The following VCL variants were observed in gnomAD, a reference collection of about 807,000 sequenced individuals.
VCL encodes epididymis luminal protein 114.
Under a neutral mutation model 125.7 loss-of-function variants are expected in VCL, and 47 were observed. The observed-to-expected ratio is 0.37, with a 90% CI of 0.30 to 0.48. VCL has a LOEUF of 0.48. VCL is among the 20% of genes least tolerant of loss of function. The pLI is 0.99. For synonymous variants in VCL, 458 were observed against 514.6 expected, an observed-to-expected ratio of 0.89 and a Z score of 1.49; for missense variants, 1,069 against 1,455.5, an observed-to-expected ratio of 0.73 and a Z score of 4.32.
Position 74,118,883 on chromosome 10 carries a change from G to A in VCL, c.*714G>A, listed in dbSNP as rs1257333315. On this transcript the variant is annotated 3_prime_UTR_variant, in exon 22 of 22. Coordinates refer to ENST00000211998, the MANE Select transcript of VCL (RefSeq NM_014000.3). ...TGCTTTTACCATGCCCCTGAGCAAT[G>A]TCTGTGCTAGGGAAACTTCCCGTCC... 1 of 154,346 alleles carries A rather than the reference G, an allele frequency of 6.5e-6. No individual in the cohort carries two copies. Among genetic ancestry groups the A allele is most frequent in the Non-Finnish European group, 1.4e-5 (1 of 69,234 alleles). 9.6% of individuals were successfully genotyped at this position (154,346 alleles called of 1,614,324 possible). A position where few individuals can be genotyped will look rare whatever the true frequency, so the allele number is the denominator to read the frequency against.
intron 2 of VCL, among the ~76,000 whole-genome samples, chr10:74,052,681 A>G (rs1055919025): frequency 6.6e-6 from 1 of 151,420 alleles, no homozygotes; most frequent in African/African-American, 2.4e-5. Context: ...TTGGCCCTTC[A>G]GTTACTTTTT....
At chr10:74,117,488 G>A (rs1840329316) in intron 21 of VCL, among the ~76,000 whole-genome samples, 1 of 152,038 alleles carries the variant, frequency 6.6e-6, no homozygotes, top group African/African-American at 2.4e-5. Context: ...AACCCCATCT[G>A]TACAAAAAAT....
chr10:74,097,891 C>A lies in VCL; in HGVS notation c.1872+559C>A, dbSNP rs1293717204. Among the ~76,000 whole-genome samples the A allele has an allele frequency of 6.6e-6, 1 of 152,198 alleles. No homozygotes were observed. The highest frequency in any genetic ancestry group is 1.5e-5 in the Non-Finnish European group (1 of 68,038). On this transcript the variant is annotated intron_variant, in intron 13 of 21. Coordinates refer to ENST00000211998, the MANE Select transcript of VCL (RefSeq NM_014000.3). The surrounding 1 kb of genome is among the most constrained non-coding windows in gnomAD (Gnocchi z 4.1). Reference sequence around the variant, plus strand: ...CCAGCGATGTGCTGGTAAGCCAACTCTCCAGGAAAACGAAAAACCTTGATT... The same window carrying A: ...CCAGCGATGTGCTGGTAAGCCAACTATCCAGGAAAACGAAAAACCTTGATT...
At chr10:74,091,551 C>T (rs535963111) in intron 10 of VCL, among the ~76,000 whole-genome samples, 4 of 151,960 alleles carry the variant, frequency 2.6e-5, no homozygotes, top group Non-Finnish European at 2.9e-5. Flanking sequence ...AGGCTGAGGG[C>T]GTGTGGATCA....
chr10:74,066,655 G>A (rs537818293), intron 2 of VCL, among the ~76,000 whole-genome samples: 1 of 147,244 alleles, frequency 6.8e-6, no homozygotes, highest in South Asian at 2.1e-4. Context: ...AAAGTACCTG[G>A]TACTATTTTA....
chr10:74,040,034 C>G (rs958138211), intron 1 of VCL, among the ~76,000 whole-genome samples: 12 of 152,154 alleles, frequency 7.9e-5, no homozygotes, highest in African/African-American at 2.4e-4. Flanking sequence ...TGGCTGCTCC[C>G]CCTAGATTGT....
chr10:74,015,695 T>C (rs1157506651), intron 1 of VCL, among the ~76,000 whole-genome samples: 1 of 151,864 alleles, frequency 6.6e-6, no homozygotes, highest in East Asian at 1.9e-4. Context: ...CTTTTTCTTT[T>C]TTTTTTTGAG....
intron 1 of VCL, among the ~76,000 whole-genome samples, chr10:74,015,446 C>G (rs376979772): frequency 2.6e-5 from 4 of 152,052 alleles, no homozygotes; most frequent in African/African-American, 9.6e-5. Context: ...CCCAGCTACT[C>G]GGGAGACTGA....
At chr10:74,009,415 C>T (rs977179750) in intron 1 of VCL, among the ~76,000 whole-genome samples, 5 of 151,774 alleles carry the variant, frequency 3.3e-5, no homozygotes, top group East Asian at 1.9e-4. Context: ...CCTGCCACCA[C>T]GCCCGGCTAA....
At chr10:74,061,094 G>A (rs11000865) in intron 2 of VCL, among the ~76,000 whole-genome samples, 4,916 of 152,176 alleles carry the variant, frequency 0.032, 271 homozygotes, top group African/African-American at 0.11. Flanking sequence ...TTAGGAAACT[G>A]ACCTTATGCC....
chr10:74,086,017 G>A (rs1488875519), intron 8 of VCL, among the ~76,000 whole-genome samples: 12 of 152,054 alleles, frequency 7.9e-5, no homozygotes, highest in African/African-American at 1.7e-4. Flanking sequence ...ACAGGCATGC[G>A]CCACCATGCC....
intron 1 of VCL, among the ~76,000 whole-genome samples, chr10:74,018,293 T>C (rs1329565643): frequency 6.6e-6 from 1 of 150,766 alleles, no homozygotes; most frequent in Non-Finnish European, 1.5e-5. Context: ...CCTGGGCTCA[T>C]GTGATCTACC....
intron 1 of VCL, among the ~76,000 whole-genome samples, chr10:74,022,548 G>A (rs901375187): frequency 1.4e-5 from 2 of 146,788 alleles, no homozygotes; most frequent in Middle Eastern, 3.6e-3. Flanking sequence ...TCCGTCTCAA[G>A]AAAAAATAAA....
At chr10:74,012,603 G>T (rs1020417789) in intron 1 of VCL, among the ~76,000 whole-genome samples, 1 of 152,156 alleles carries the variant, frequency 6.6e-6, no homozygotes, top group Non-Finnish European at 1.5e-5. Flanking sequence ...GGACGTGGGG[G>T]AAGAGTGACA....
chr10:74,116,697 A>T (rs1266751183), intron 21 of VCL, among the ~76,000 whole-genome samples: 1 of 140,958 alleles, frequency 7.1e-6, no homozygotes, highest in African/African-American at 2.6e-5. Flanking sequence ...AAAAAAAAAA[A>T]ATAATAATAA....
intron 1 of VCL, among the ~76,000 whole-genome samples, chr10:74,023,128 T>C (rs1203129191): frequency 6.6e-6 from 1 of 152,244 alleles, no homozygotes; most frequent in Non-Finnish European, 1.5e-5. Flanking sequence ...GTGTACGTGC[T>C]TTGCCTGCAC....
Position 74,009,220 on chromosome 10 carries a change from C to A in VCL, c.168+10845C>A, listed in dbSNP as rs1296105448. Among the ~76,000 whole-genome samples, 16 of 109,296 alleles carry A rather than the reference C, an allele frequency of 1.5e-4. 3 individuals carry two copies. Among genetic ancestry groups the A allele is most frequent in the Admixed American group, 2.6e-4 (3 of 11,758 alleles). 71.7% of individuals were successfully genotyped at this position (109,296 alleles called of 152,430 possible). Reference sequence around the variant, plus strand: ...TTGTCTAGGTGGCTGCTGCTTTCCCCCCCCCCCCCCGAGCCATTTTAGTAT... The same window carrying A: ...TTGTCTAGGTGGCTGCTGCTTTCCCACCCCCCCCCCGAGCCATTTTAGTAT... On this transcript the variant is annotated intron_variant, in intron 1 of 21. Coordinates refer to ENST00000211998, the MANE Select transcript of VCL (RefSeq NM_014000.3).
chr10:74,028,256 T>G (rs1158842157), intron 1 of VCL, among the ~76,000 whole-genome samples: 2 of 151,972 alleles, frequency 1.3e-5, no homozygotes, highest in Non-Finnish European at 2.9e-5. Context: ...TTTATTTTTT[T>G]TATTTTTTGT....
At chr10:74,117,070 C>T (rs556882430) in intron 21 of VCL, among the ~76,000 whole-genome samples, 21 of 152,228 alleles carry the variant, frequency 1.4e-4, no homozygotes, top group African/African-American at 4.3e-4. Flanking sequence ...TAAGTTTGTG[C>T]GTTTGTTTGA....
Sources: allele counts gnomAD v4.1 joint callset (sites outside exome capture counted in the v4.1 genomes callset), GRCh38; gene constraint gnomAD v4.1.1; non-coding constraint Gnocchi (gnomAD v3.1); transcripts MANE v1.5; gene names NCBI Gene and HGNC (gene_info 2026-07-23, HGNC 2026-07-21).